CA10: variants seen among roughly 807,000 people sequenced by gnomAD.
CA10 encodes carbonic anhydrase-related protein 10.
A neutral mutation model predicts 44.2 loss-of-function variants in CA10; 14 were observed. The ratio of observed to expected loss-of-function variants is 0.32; its 90% confidence interval spans 0.21 to 0.50. The LOEUF (loss-of-function observed/expected upper bound fraction) is 0.50, where lower values mean the gene tolerates loss of function less well. CA10 is among the 20% of genes least tolerant of loss of function. The pLI is 0.99. For missense variants in CA10, 350 were observed against 409.7 expected (o/e 0.85, Z 1.26); for synonymous variants, 159 against 141.6 (o/e 1.12, Z -0.87).
chr17:51,683,615 C>T (rs1003870331), intron 4 of CA10, among the ~76,000 whole-genome samples: 2 of 152,142 alleles, frequency 1.3e-5, no homozygotes, highest in African/African-American at 4.8e-5. Context: ...TTTCTTCTCA[C>T]TTTTGGGTGA....
At chr17:51,876,464 G>A (rs543584843) in intron 3 of CA10, among the ~76,000 whole-genome samples, 5 of 151,050 alleles carry the variant, frequency 3.3e-5, no homozygotes, top group South Asian at 4.2e-4. Flanking sequence ...ATTACAGCAT[G>A]AGTCAGTGCA....
intron 4 of CA10, among the ~76,000 whole-genome samples, chr17:51,744,812 G>A (rs1257631783): frequency 6.6e-6 from 1 of 152,078 alleles, no homozygotes; most frequent in Non-Finnish European, 1.5e-5. Flanking sequence ...CTTCTTGCTT[G>A]CTGAAATCCG....
At chr17:51,719,990 T>C (rs911485032) in intron 4 of CA10, among the ~76,000 whole-genome samples, 4 of 152,172 alleles carry the variant, frequency 2.6e-5, no homozygotes, top group African/African-American at 7.2e-5. Flanking sequence ...TAGAACATAA[T>C]AGGCATAAAA....
At chr17:51,701,487 TA>T (rs780362657) in intron 4 of CA10, among the ~76,000 whole-genome samples, 146 of 134,428 alleles carry the variant, frequency 1.1e-3, no homozygotes, top group African/African-American at 5.3e-3. Context: ...TTTATTTATT[TA>T]TTTTTTTTAT....
intron 4 of CA10, among the ~76,000 whole-genome samples, chr17:51,713,015 T>C (rs1915992860): frequency 6.6e-6 from 1 of 152,222 alleles, no homozygotes; most frequent in South Asian, 2.1e-4. Flanking sequence ...TTGCCCCTGC[T>C]GGGAAGCTAT....
intron 3 of CA10, among the ~76,000 whole-genome samples, chr17:51,930,385 T>G (rs564804721): frequency 1.3e-5 from 2 of 152,088 alleles, no homozygotes; most frequent in Non-Finnish European, 2.9e-5. Flanking sequence ...TGGGCACTTG[T>G]GCCCTTCCAC....
intron 3 of CA10, among the ~76,000 whole-genome samples, chr17:51,764,171 T>C (rs909278539): frequency 3.9e-5 from 6 of 152,204 alleles, no homozygotes; most frequent in African/African-American, 1.4e-4. Flanking sequence ...ACTCTTATCA[T>C]TGTCTCCTGA....
intron 4 of CA10, among the ~76,000 whole-genome samples, chr17:51,674,746 C>T (rs1327637384): frequency 6.6e-6 from 1 of 152,272 alleles, no homozygotes; most frequent in Non-Finnish European, 1.5e-5. Flanking sequence ...GTTCACTTAA[C>T]ATTTTATCAC....
intron 2 of CA10, among the ~76,000 whole-genome samples, chr17:52,049,849 A>G (rs1165916838): frequency 6.6e-6 from 1 of 152,104 alleles, no homozygotes; most frequent in Non-Finnish European, 1.5e-5. Flanking sequence ...ATAATCCTAT[A>G]AGATTATACT....
intron 2 of CA10, among the ~76,000 whole-genome samples, chr17:52,055,960 C>T (rs903288390): frequency 6.6e-6 from 1 of 151,950 alleles, no homozygotes; most frequent in African/African-American, 2.4e-5. Context: ...GTAAAGCTGA[C>T]CAAATTCTTG....
intron 4 of CA10, among the ~76,000 whole-genome samples, chr17:51,693,196 A>T (rs1401680561): frequency 6.6e-6 from 1 of 151,900 alleles, no homozygotes; most frequent in African/African-American, 2.4e-5. Flanking sequence ...TTCAGCTTTG[A>T]CCAGTTTCAG....
chr17:51,677,194 T>C (rs1914653946), intron 4 of CA10, among the ~76,000 whole-genome samples: 1 of 152,194 alleles, frequency 6.6e-6, no homozygotes, highest in African/African-American at 2.4e-5. Flanking sequence ...TTTGGGTCTG[T>C]GTCCCCACCC....
chr17:51,635,273 G>A (rs1912775427), intron 7 of CA10, among the ~76,000 whole-genome samples: 1 of 152,152 alleles, frequency 6.6e-6, no homozygotes, highest in Non-Finnish European at 1.5e-5. Context: ...AGCACTTTGG[G>A]AGGTCGAGGC....
At chr17:51,783,853 G>A (rs1052681707) in intron 3 of CA10, among the ~76,000 whole-genome samples, 1 of 152,164 alleles carries the variant, frequency 6.6e-6, no homozygotes, top group African/African-American at 2.4e-5. Flanking sequence ...AGAGAGAGCA[G>A]GTGTGAGGGG....
intron 2 of CA10, among the ~76,000 whole-genome samples, chr17:51,970,537 T>C (rs1353100854): frequency 2.0e-5 from 3 of 152,112 alleles, no homozygotes; most frequent in African/African-American, 7.2e-5. Context: ...TGCATAATTT[T>C]TTTATAGCAG....
intron 2 of CA10, among the ~76,000 whole-genome samples, chr17:51,938,221 G>A (rs540829431): frequency 1.3e-5 from 2 of 152,268 alleles, no homozygotes; most frequent in East Asian, 1.9e-4. Context: ...TTTATAAATG[G>A]TCTAGCATAA....
intron 4 of CA10, among the ~76,000 whole-genome samples, chr17:51,701,228 G>A (rs575112116): frequency 4.6e-5 from 7 of 152,120 alleles, no homozygotes; most frequent in African/African-American, 1.2e-4. Context: ...CTCGGCGGGC[G>A]GCACCATCAC....
At chr17:51,937,420 G>A (rs1385559033) in intron 2 of CA10, among the ~76,000 whole-genome samples, 1 of 152,010 alleles carries the variant, frequency 6.6e-6, no homozygotes, top group East Asian at 1.9e-4. Context: ...GATGGAATTG[G>A]CCTTAAAGTT....
chr17:51,897,031 T>C (rs1981100899), intron 3 of CA10, among the ~76,000 whole-genome samples: 1 of 152,202 alleles, frequency 6.6e-6, no homozygotes, highest in South Asian at 2.1e-4. Flanking sequence ...CTCTGTTTAC[T>C]CTGTTGATAG....
Sources: gnomAD v4.1 joint callset for allele counts (sites outside exome capture counted in the v4.1 genomes callset) on GRCh38, gnomAD v4.1.1 for gene constraint, MANE v1.5 for transcripts, NCBI Gene and HGNC (gene_info 2026-07-23, HGNC 2026-07-21) for gene names.